The following MBD5 variants were observed in gnomAD, a reference collection of about 807,000 sequenced individuals.
The protein encoded by MBD5 is methyl-CpG binding domain protein 5, also known as methyl-CpG-binding domain protein 5.
In MBD5, 13 loss-of-function variants were observed where a neutral mutation model predicts 117.3. The observed-to-expected ratio is 0.11, with a 90% confidence interval of 0.07 to 0.18. MBD5 has a LOEUF of 0.18. MBD5 is among the 10% of genes least tolerant of loss of function. MBD5 has a pLI of 1.00. For synonymous variants in MBD5, 727 were observed against 766.4 expected, an observed-to-expected ratio of 0.95 and a Z score of 0.85; for missense variants, 1,879 against 2,093.8, an observed-to-expected ratio of 0.90 and a Z score of 2.00.
At chr2:148,369,798 A>C (rs575035559) in intron 4 of MBD5, among the ~76,000 whole-genome samples, 79 of 152,160 alleles carry the variant, frequency 5.2e-4, no homozygotes, top group Non-Finnish European at 1.0e-3. Context: ...AAGATAGTTT[A>C]TGTTATATTT....
At position 148,327,743 on chromosome 2, in the gene MBD5, T is replaced by C. The variant is rs572715203; in HGVS notation, c.-679-14471T>C. On this transcript the variant is annotated intron_variant, in intron 3 of 13. Coordinates refer to ENST00000642680, the MANE Select transcript of MBD5 (RefSeq NM_001378120.1). ...TTGGTTATTCTAGTTATACATTCTT[T>C]TAAATTTTTTTCAAAGTTTTCAACT... Among the ~76,000 whole-genome samples the C allele has an allele frequency of 2.1e-4, 32 of 152,152 alleles. No homozygotes were observed. In the East Asian group the frequency reaches 5.8e-3, roughly 28 times the overall value.
intron 3 of MBD5, among the ~76,000 whole-genome samples, chr2:148,239,477 G>A (rs1367536461): frequency 6.6e-6 from 1 of 152,034 alleles, no homozygotes; most frequent in Non-Finnish European, 1.5e-5. Context: ...CATACTTATA[G>A]TTATATTTTG....
chr2:148,114,655 T>C (rs1278913503), intron 1 of MBD5, among the ~76,000 whole-genome samples: 1 of 152,138 alleles, frequency 6.6e-6, no homozygotes, highest in Non-Finnish European at 1.5e-5. Flanking sequence ...AATTGTTGGT[T>C]AAAGGTCTGG....
intron 1 of MBD5, among the ~76,000 whole-genome samples, chr2:148,151,230 G>T (rs1413763299): frequency 1.3e-5 from 2 of 151,954 alleles, no homozygotes; most frequent in African/African-American, 2.4e-5. Context: ...CTCTGTTTAT[G>T]TGCTGGATTA....
chr2:148,397,696 CA>C (rs927804703), intron 4 of MBD5, among the ~76,000 whole-genome samples: 8 of 152,026 alleles, frequency 5.3e-5, no homozygotes, highest in Non-Finnish European at 1.0e-4. Context: ...TACATGTGCA[CA>C]ACGTGCAGGT....
At chr2:148,476,101 C>T in intron 8 of MBD5, among the ~76,000 whole-genome samples, 1 of 152,124 alleles carries the variant, frequency 6.6e-6, no homozygotes, top group East Asian at 1.9e-4. Flanking sequence ...ATTATCTATC[C>T]AAGACCCATG....
chr2:148,235,234 A>C (rs7572948), intron 3 of MBD5, among the ~76,000 whole-genome samples: 45,935 of 151,962 alleles, frequency 0.3, 7,398 homozygotes, highest in South Asian at 0.43. Context: ...AATGTATTTG[A>C]TCCAAGCTTG....
intron 2 of MBD5, among the ~76,000 whole-genome samples, chr2:148,197,817 T>TG (rs1395299727): frequency 5.1e-4 from 57 of 111,124 alleles, no homozygotes; most frequent in African/African-American, 1.6e-3. Flanking sequence ...TTTTTTTTTT[T>TG]GTTTTTTTTT....
intron 1 of MBD5, among the ~76,000 whole-genome samples, chr2:148,143,548 T>A (rs1173272232): frequency 6.6e-6 from 1 of 152,216 alleles, no homozygotes. Flanking sequence ...CATACATATG[T>A]ATATGCCATG....
Position 148,087,937 on chromosome 2 carries a change from G to A in MBD5, c.-925+66253G>A, listed in dbSNP as rs185358102. Among the ~76,000 whole-genome samples the A allele has an allele frequency of 1.7e-3, 259 of 151,852 alleles. 1 individual carries two copies. Among genetic ancestry groups the A allele is most frequent in the African/African-American group, 5.8e-3 (242 of 41,390 alleles). On this transcript the variant is annotated intron_variant, in intron 1 of 13. Coordinates refer to ENST00000642680, the MANE Select transcript of MBD5 (RefSeq NM_001378120.1). The stretch of plus-strand genomic sequence containing the variant: ...GCTATTCAAAGAGATACCAGAGAAA[G>A]GTGAAAACCATCTGAAATAAATTTT...
chr2:148,486,053 C>T (rs1229676458), intron 10 of MBD5, 103 bp downstream of exon 10: 4 of 1,002,062 alleles, frequency 4.0e-6, no homozygotes, highest in South Asian at 1.3e-5. Context: ...CGTGCCCTTT[C>T]ACCTCTATTT....
chr2:148,152,390 C>T (rs545584458), intron 1 of MBD5, among the ~76,000 whole-genome samples: 20 of 152,084 alleles, frequency 1.3e-4, no homozygotes, highest in Admixed American at 2.0e-4. Flanking sequence ...AGGTGTGGTG[C>T]GGTGCTGAAA....
intron 3 of MBD5, among the ~76,000 whole-genome samples, chr2:148,328,349 T>G (rs1211778838): frequency 1.3e-5 from 2 of 152,216 alleles, no homozygotes; most frequent in Non-Finnish European, 2.9e-5. Context: ...CAGGCCTCCT[T>G]GAGCTGTGGT....
intron 4 of MBD5, among the ~76,000 whole-genome samples, chr2:148,389,212 T>A: frequency 8.2e-6 from 1 of 122,422 alleles, no homozygotes; most frequent in African/African-American, 3.0e-5. Context: ...TGTGTGTGTG[T>A]GTGTGTGTGT....
intron 4 of MBD5, among the ~76,000 whole-genome samples, chr2:148,356,795 C>T (rs759567786): frequency 1.6e-4 from 24 of 152,194 alleles, no homozygotes; most frequent in Middle Eastern, 3.4e-3. Context: ...ACTGCTCTTC[C>T]AGAGTCTTGA....
At chr2:148,393,143 G>A (rs913522054) in intron 4 of MBD5, among the ~76,000 whole-genome samples, 1 of 152,096 alleles carries the variant, frequency 6.6e-6, no homozygotes, top group East Asian at 1.9e-4. Context: ...TAAAGGCCTT[G>A]TAAAATTATT....
chr2:148,365,642 G>A (rs1057321366), intron 4 of MBD5, among the ~76,000 whole-genome samples: 10 of 151,864 alleles, frequency 6.6e-5, no homozygotes, highest in Admixed American at 5.2e-4. Flanking sequence ...ATGATAAAGG[G>A]GCTATCACCA....
intron 8 of MBD5, among the ~76,000 whole-genome samples, chr2:148,478,054 A>T (rs915178027): frequency 3.3e-5 from 5 of 152,204 alleles, no homozygotes; most frequent in Non-Finnish European, 5.9e-5. Flanking sequence ...AGAGACAGCC[A>T]TATAAGAGTT....
chr2:148,490,355 G>A lies in MBD5; in HGVS notation c.4723G>A (p.Ala1575Thr). The change falls in exon 11 of 14, where the codon GCC becomes ACC. Residue 1575 changes from alanine (A) to threonine (T), a missense_variant. By Grantham distance (58) the Ala-to-Thr change is moderately conservative (BLOSUM62 0). Around this residue, in one of 4 missense-constraint regions of MBD5, gnomAD observed 1,666 missense variants for 1,792.2 expected, o/e 0.93. Coordinates refer to ENST00000642680, the MANE Select transcript of MBD5 (RefSeq NM_001378120.1). Reference protein sequence around the residue: ...DYIHYNGDFNAKSVNGCVPSP... With the variant: ...DYIHYNGDFNTKSVNGCVPSP... ...CATCCATTACAATGGAGACTTTAAT[G>A]CCAAAAGCGTTAATGGGTGTGTGCC... The A allele has an allele frequency of 6.2e-7, 1 of 1,614,172 alleles. No homozygotes were observed. Among genetic ancestry groups the A allele is most frequent in the Non-Finnish European group, 8.5e-7 (1 of 1,180,022 alleles).
Sources: allele counts gnomAD v4.1 joint callset (sites outside exome capture counted in the v4.1 genomes callset), GRCh38; gene constraint gnomAD v4.1.1; regional missense constraint gnomAD v4.1.1; transcripts MANE v1.5; gene names NCBI Gene and HGNC (gene_info 2026-07-23, HGNC 2026-07-21).